Variants in UNC13C observed in about 807,000 individuals in gnomAD.
UNC13C encodes unc-13 homolog C, also known as protein unc-13 homolog C.
UNC13C carries 174 observed loss-of-function variants against 245.4 expected under a neutral mutation model. The ratio of observed to expected loss-of-function variants is 0.71; its 90% CI spans 0.63 to 0.80. UNC13C has a LOEUF of 0.80. UNC13C is among the 30% of genes least tolerant of loss of function. The pLI, the probability that UNC13C is intolerant of heterozygous loss-of-function variation, is 0.00. For synonymous variants in UNC13C, 992 were observed against 895.1 expected, an observed-to-expected ratio of 1.11 and a Z score of -1.93; for missense variants, 2,829 against 2,602.9, an observed-to-expected ratio of 1.09 and a Z score of -1.89.
chr15:54,034,782 G>T (rs1896504079), intron 2 of UNC13C, among the ~76,000 whole-genome samples: 1 of 152,178 alleles, frequency 6.6e-6, no homozygotes, highest in African/African-American at 2.4e-5. Flanking sequence ...CTCCTTAGAA[G>T]CTGACTTCAG....
At chr15:54,195,651 T>A (rs1286641460) in intron 4 of UNC13C, among the ~76,000 whole-genome samples, 5 of 152,140 alleles carry the variant, frequency 3.3e-5, no homozygotes, top group Admixed American at 3.3e-4. Flanking sequence ...TAATACTTGC[T>A]CTTTCGTCTC....
At chr15:53,940,548 G>A in the UNC13C span, among the ~76,000 whole-genome samples, 1 of 152,154 alleles carries the variant, frequency 6.6e-6, no homozygotes, top group Non-Finnish European at 1.5e-5. Flanking sequence ...CAGGTGACAT[G>A]ATCCTCTATC....
At chr15:54,321,756 T>C (rs760806177) in intron 13 of UNC13C, among the ~76,000 whole-genome samples, 183 bp from the exon 14 acceptor site, 3 of 152,004 alleles carry the variant, frequency 2.0e-5, no homozygotes, top group Non-Finnish European at 4.4e-5. Context: ...TAAGGCACTT[T>C]ACATTTGTGA....
chr15:53,864,454 C>T, the UNC13C span, among the ~76,000 whole-genome samples: 143,270 of 152,292 alleles, frequency 0.94, 68,031 homozygotes, highest in East Asian at 1. Flanking sequence ...AGAAAGCTAC[C>T]TAATATGAAT....
chr15:54,332,341 G>A (rs2038461677), intron 15 of UNC13C, among the ~76,000 whole-genome samples: 1 of 150,812 alleles, frequency 6.6e-6, no homozygotes, highest in Admixed American at 6.6e-5. Context: ...GTGTGTGTTT[G>A]TGTATGCACT....
chr15:54,513,165 T>G (rs934787859), intron 24 of UNC13C, among the ~76,000 whole-genome samples: 5 of 152,174 alleles, frequency 3.3e-5, no homozygotes, highest in African/African-American at 1.2e-4. Context: ...AATGTGAGAT[T>G]TCCTTTTCAA....
At chr15:54,173,943 C>A (rs28450408) in intron 4 of UNC13C, among the ~76,000 whole-genome samples, 1 of 151,756 alleles carries the variant, frequency 6.6e-6, no homozygotes, top group Admixed American at 6.6e-5. Flanking sequence ...TTTATATATC[C>A]ATTGAGATTA....
At position 54,324,155 on chromosome 15, in the gene UNC13C, A is replaced by G. The variant is rs559895919; in HGVS notation, c.4425+2060A>G. Among the ~76,000 whole-genome samples, 7 of 152,194 alleles carry G rather than the reference A, an allele frequency of 4.6e-5. No homozygotes were observed. In the South Asian group the frequency reaches 1.4e-3, roughly 32 times the overall value. Reference sequence around the variant, plus strand: ...GGTGATTTGGTATATAAATTTGACTATATTTTTCTAGCTATCAAAAATAAT... The same window carrying G: ...GGTGATTTGGTATATAAATTTGACTGTATTTTTCTAGCTATCAAAAATAAT... On this transcript the variant is annotated intron_variant, in intron 14 of 32. Transcript: ENST00000260323.
At chr15:54,031,944 C>T (rs931376523) in intron 2 of UNC13C, among the ~76,000 whole-genome samples, 4 of 152,192 alleles carry the variant, frequency 2.6e-5, no homozygotes, top group African/African-American at 9.7e-5. Flanking sequence ...AATTTTTCCA[C>T]AGGGCTTGAT....
At chr15:54,205,679 G>C (rs140125946) in intron 4 of UNC13C, among the ~76,000 whole-genome samples, 13 of 151,990 alleles carry the variant, frequency 8.6e-5, no homozygotes, top group African/African-American at 2.7e-4. Context: ...CATGGGACTT[G>C]ATGTTTAAAA....
In UNC13C at chr15:54,196,605, A is replaced by G. The variant is rs1036604660; in HGVS notation, c.3072-38425A>G. ...ATAAATGGAATATTAACATCCAACA[A>G]TTGTATAAAAGACAATATATCATGA... On this transcript the variant is annotated intron_variant, in intron 4 of 32. Transcript: ENST00000260323. 5.9e-5 allele frequency among the ~76,000 whole-genome samples: 9 copies of G among 152,302 alleles called. No individual in the cohort carries two copies. In the South Asian group the frequency reaches 6.2e-4, roughly 11 times the overall value.
rs1165345050 is a variant in UNC13C, at chr15:54,014,923, G to A, written c.2020G>A (p.Glu674Lys). The A allele has an allele frequency of 6.2e-7, 1 of 1,613,896 alleles. No homozygotes were observed. Among genetic ancestry groups the A allele is most frequent in the South Asian group, 1.1e-5 (1 of 91,082 alleles). The change falls in exon 2 of 33, where the codon GAA becomes AAA. Residue 674 changes from glutamate (E) to lysine (K), a missense_variant. Glu to Lys is a moderately conservative substitution (Grantham distance 56). Coordinates refer to ENST00000260323, the MANE Select transcript of UNC13C (RefSeq NM_001080534.3). ...TTTAGGCTTGGATTCATCCACCCAG[G>A]AAGGTTTTGATTATGAAACAAACAG... Reference protein sequence around the residue: ...ADLGLDSSTQEGFDYETNSLF... With the variant: ...ADLGLDSSTQKGFDYETNSLF...
chr15:53,902,686 A>T, the UNC13C span, among the ~76,000 whole-genome samples: 1 of 152,200 alleles, frequency 6.6e-6, no homozygotes, highest in African/African-American at 2.4e-5. Context: ...ATTCATTGTC[A>T]GTACCAACAG....
At chr15:53,909,308 C>G in the UNC13C span, among the ~76,000 whole-genome samples, 6 of 146,494 alleles carry the variant, frequency 4.1e-5, no homozygotes, top group East Asian at 1.2e-3. Context: ...AGATTTTATT[C>G]CATATCAGCA....
At chr15:54,408,115 G>A (rs964142844) in intron 18 of UNC13C, among the ~76,000 whole-genome samples, 2 of 146,712 alleles carry the variant, frequency 1.4e-5, no homozygotes, top group African/African-American at 5.0e-5. Context: ...GCAGGAGAGT[G>A]GCATGAACCC....
intron 16 of UNC13C, among the ~76,000 whole-genome samples, 154 bp from the exon 17 acceptor site, chr15:54,338,207 A>T (rs750254383): frequency 4.6e-5 from 7 of 152,256 alleles, no homozygotes; most frequent in Non-Finnish European, 1.0e-4. Context: ...GAAAGTTAAA[A>T]TGTTTACACA....
intron 22 of UNC13C, 97 bp downstream of exon 22, chr15:54,501,075 C>A (rs1245226180): frequency 9.4e-6 from 12 of 1,277,178 alleles, no homozygotes; most frequent in Non-Finnish European, 8.6e-6. Flanking sequence ...TCACCCCATC[C>A]CAGTTTATTT....
intron 18 of UNC13C, among the ~76,000 whole-genome samples, chr15:54,397,253 T>A (rs888227640): frequency 6.6e-6 from 1 of 151,478 alleles, no homozygotes; most frequent in Non-Finnish European, 1.5e-5. Context: ...TATGGTTATC[T>A]ATTTTTTTAT....
chr15:53,926,262 A>C, the UNC13C span, among the ~76,000 whole-genome samples: 1 of 152,170 alleles, frequency 6.6e-6, no homozygotes, highest in East Asian at 1.9e-4. Flanking sequence ...GTAATTGTGA[A>C]ATGGAAAAAT....
Sources: allele counts gnomAD v4.1 joint callset (sites outside exome capture counted in the v4.1 genomes callset), GRCh38; gene constraint gnomAD v4.1.1; transcripts MANE v1.5; gene names NCBI Gene and HGNC (gene_info 2026-07-23, HGNC 2026-07-21).